Variants in IGFN1 observed in about 807,000 individuals in gnomAD.
The protein encoded by IGFN1 is immunoglobulin like and fibronectin type III domain containing 1, also known as immunoglobulin-like and fibronectin type III domain-containing protein 1.
IGFN1 carries 253 observed loss-of-function variants against 289.5 expected under a neutral mutation model. The observed-to-expected ratio is 0.87, with a 90% CI of 0.79 to 0.97. The LOEUF is 0.97. Ranked by LOEUF, IGFN1 falls within the 50% of genes least tolerant of loss-of-function variation. The probability of loss-of-function intolerance (pLI) is 0.00; values close to 1 mark genes in which losing one functional copy is unlikely to be tolerated. For synonymous variants in IGFN1, 1,706 were observed against 1,788.5 expected (o/e 0.95, Z 1.16); for missense variants, 4,470 against 4,686.1 (o/e 0.95, Z 1.35).
In IGFN1 at chr1:201,227,017, C is replaced by T. The variant is rs1558163908; in HGVS notation, c.10922C>T (p.Pro3641Leu). The T allele has an allele frequency of 6.2e-6, 10 of 1,613,402 alleles. No homozygotes were observed. The highest frequency in any genetic ancestry group is 7.6e-6 in the Non-Finnish European group (9 of 1,180,014). The part of the protein sequence containing the change: ...CCMSCAVQGS[P>L]RPHVTWFKND... The stretch of plus-strand genomic sequence containing the variant: ...ATGAGCTGTGCCGTGCAGGGCTCGC[C>T]CCGGCCCCACGTCACCTGGTTCAAG... The change falls in exon 23 of 24, where the codon CCC becomes CTC. Residue 3641 changes from proline to leucine, a missense_variant. This residue lies in a region of IGFN1 where 2,218 missense variants were observed against 2,114.1 expected (regional missense o/e 1.05). Transcript: ENST00000335211.
rs1185317638 is a variant in IGFN1, at chr1:201,213,180, C to T, written c.8287C>T (p.Gln2763Ter). ...RSGGTQDLSSQRGKGQRGGKR... is the reference protein window; with the variant it reads ...RSGGTQDLSS ...AGGAGGGACCCAGGACCTGAGCTCT[C>T]AGCGAGGCAAGGGACAGAGAGGAGG... is the stretch of plus-strand genomic sequence containing the variant. The change falls in exon 12 of 24, where the codon CAG (glutamine) becomes TAG (stop). Residue 2763 changes from glutamine (Q) to a stop codon, truncating the protein, a stop_gained. Transcript: ENST00000335211. LOFTEE classifies it high-confidence loss of function. 41 of 1,551,526 alleles carry T rather than the reference C, an allele frequency of 2.6e-5. No individual in the cohort carries two copies. The highest frequency in any genetic ancestry group is 3.6e-5 in the Non-Finnish European group (41 of 1,146,970).
intron 19 of IGFN1, 102 bp downstream of exon 19, chr1:201,221,848 C>G (rs1239460506): frequency 3.0e-6 from 3 of 1,010,162 alleles, no homozygotes; most frequent in Non-Finnish European, 4.3e-6. Flanking sequence ...GATCCCCACC[C>G]TCAGTTTCAG....
In IGFN1 at chr1:201,205,077, G is replaced by T. The variant is rs377463155; in HGVS notation, c.917-5G>T. 6.5e-7 allele frequency: 1 copy of T among 1,535,576 alleles called. No homozygotes were observed. Reference sequence around the variant, plus strand: ...CTGATATCCCCATTCCTATTTCCCCGGCAGCCATCCCCCCAAGAGTGGTGG... The same window carrying T: ...CTGATATCCCCATTCCTATTTCCCCTGCAGCCATCCCCCCAAGAGTGGTGG... On this transcript the variant is annotated splice_polypyrimidine_tract_variant and splice_region_variant and intron_variant, in intron 10 of 23. Coordinates refer to ENST00000335211, the MANE Select transcript of IGFN1 (RefSeq NM_001164586.2).
At position 201,217,455 on chromosome 1, in the gene IGFN1, T is replaced by C; in HGVS notation, c.9764T>C (p.Val3255Ala). The C allele has an allele frequency of 6.2e-7, 1 of 1,614,090 alleles. No individual in the cohort carries two copies. Among genetic ancestry groups the C allele is most frequent in the Non-Finnish European group, 8.5e-7 (1 of 1,179,966 alleles). ...NTWTAVNDQP[V>A]PERRWTVADV... is the part of the protein sequence containing the mutation. ...TGGACGGCAGTGAACGACCAGCCGG[T>C]GCCTGGTGAGCATTGTCCTGGCTTC... The change falls in exon 17 of 24, where the codon GTG becomes GCG. Residue 3255 changes from valine to alanine, a missense_variant. Transcript: ENST00000335211.
In IGFN1 at chr1:201,200,316, GAGA is replaced by G; in HGVS notation, c.542_544del (p.Lys181del). ...GATGACAGCAGACAGGAAGGACTAC[GAGA>G]AGATCTGCTTGAAGTATGGCATCGT... On this transcript the variant is annotated inframe_deletion, in exon 8 of 24. Transcript: ENST00000335211. 6.4e-7 allele frequency: 1 copy of G among 1,551,682 alleles called. No individual in the cohort carries two copies. Among genetic ancestry groups the G allele is most frequent in the Non-Finnish European group, 8.7e-7 (1 of 1,146,958 alleles).
In IGFN1 at chr1:201,207,710, A is replaced by G; in HGVS notation, c.2817A>G (p.Thr939=). The G allele has an allele frequency of 1.3e-6, 2 of 1,537,124 alleles. No homozygotes were observed. Among genetic ancestry groups the G allele is most frequent in the Non-Finnish European group, 1.7e-6 (2 of 1,146,872 alleles). The change falls in exon 12 of 24, where the codon ACA becomes ACG. Residue 939 remains threonine (T), a synonymous_variant. Transcript: ENST00000335211. ...GAGTAAAAGGACCCAGAGGTGAGAC[A>G]GGCTATAAGGATGGCTTGGAAGGTC... is the stretch of plus-strand genomic sequence containing the variant. The part of the protein sequence containing the change: ...SSRVKGPRGE[T]GYKDGLEGPG...
In IGFN1 at chr1:201,203,883, TCTC is replaced by T. The variant is rs1667274927; in HGVS notation, c.895_897del (p.Ser299del). The stretch of plus-strand genomic sequence containing the variant: ...GTCAAGGTGGAGGATGCTGTGGTCT[TCTC>T]CACAGAACTGGAGGCCAGTGGTGAG... On this transcript the variant is annotated inframe_deletion, in exon 10 of 24. Transcript: ENST00000335211. 1 of 1,551,450 alleles carries T rather than the reference TCTC, an allele frequency of 6.4e-7. No homozygotes were observed. Among genetic ancestry groups the T allele is most frequent in the Non-Finnish European group, 8.7e-7 (1 of 1,146,938 alleles).
At position 201,209,955 on chromosome 1, in the gene IGFN1, A is replaced by C; in HGVS notation, c.5062A>C (p.Ser1688Arg). The change falls in exon 12 of 24, where the codon AGT becomes CGT. Residue 1688 changes from serine (S) to arginine (R), a missense_variant. By Grantham distance (110) the Ser-to-Arg change is moderately radical. Coordinates refer to ENST00000335211, the MANE Select transcript of IGFN1 (RefSeq NM_001164586.2). ...GGCTCCTGAGGGAATAGGTTCAGGG[A>C]GTAAGGCAGGTTTTAGGGATGGTTT... ...LGAPEGIGSG[S>R]KAGFRDGLGS... is the part of the protein sequence containing the mutation. 2.0e-6 allele frequency: 3 copies of C among 1,488,540 alleles called. No homozygotes were observed. The highest frequency in any genetic ancestry group is 2.7e-6 in the Non-Finnish European group (3 of 1,110,864). The allele number at this position is 1,488,540 out of a possible 1,614,324, so 92.2% of individuals were successfully genotyped here.
intron 11 of IGFN1, 31 bp from the exon 12 acceptor site, chr1:201,206,052 G>T: frequency 7.0e-7 from 1 of 1,420,294 alleles, no homozygotes; most frequent in South Asian, 1.3e-5. Flanking sequence ...TGTGGGCACT[G>T]ACCTTCCATA....
chr1:201,227,891 A>G (rs1032760210), intron 23 of IGFN1, among the ~76,000 whole-genome samples: 3 of 152,228 alleles, frequency 2.0e-5, no homozygotes, highest in African/African-American at 7.2e-5. Flanking sequence ...ATGTCAAGAT[A>G]TGAACACTTA....
In IGFN1 at chr1:201,221,475, C is replaced by A; in HGVS notation, c.9930C>A (p.Val3310=). Residue 3310 remains valine, a synonymous_variant, in exon 19 of 24, where the codon GTC becomes GTA. Transcript: ENST00000335211. ...RPPGLVRNLQ[V]TDRSNTSITL... Reference sequence around the variant, plus strand: ...CTGGGCTGGTGAGGAATCTCCAAGTCACAGACAGATCGAACACCAGCATCA... The same window carrying A: ...CTGGGCTGGTGAGGAATCTCCAAGTAACAGACAGATCGAACACCAGCATCA... 2 of 1,609,418 alleles carry A rather than the reference C, an allele frequency of 1.2e-6. No homozygotes were observed. Among genetic ancestry groups the A allele is most frequent in the South Asian group, 1.1e-5 (1 of 89,878 alleles).
Position 201,215,469 on chromosome 1 carries a change from G to A in IGFN1, c.8996-70G>A, listed in dbSNP as rs527845646. On this transcript the variant is annotated intron_variant, in intron 14 of 23. Coordinates refer to ENST00000335211, the MANE Select transcript of IGFN1 (RefSeq NM_001164586.2). ...CTCTTCCCCCAAACTTCCTTCTCTGGGTCCTCCTTTCTATATTCCCCAGGT... is the reference window on the plus strand; with the variant it reads ...CTCTTCCCCCAAACTTCCTTCTCTGAGTCCTCCTTTCTATATTCCCCAGGT... The A allele has an allele frequency of 2.9e-5, 40 of 1,384,732 alleles. No homozygotes were observed. In the East Asian group the frequency reaches 4.9e-4, roughly 17 times the overall value. The allele number at this position is 1,384,732 out of a possible 1,614,324, so 85.8% of individuals were successfully genotyped here. A position where few individuals can be genotyped will look rare whatever the true frequency, so the allele number is the denominator to read the frequency against.
intron 9 of IGFN1, 80 bp from the exon 10 acceptor site, chr1:201,203,658 G>A: frequency 1.5e-6 from 2 of 1,373,118 alleles, no homozygotes; most frequent in Non-Finnish European, 9.9e-7. Context: ...GAAAACTGCT[G>A]GTTATAGCCA....
chr1:201,207,657 G>A lies in IGFN1; in HGVS notation c.2764G>A (p.Asp922Asn). ...TCCTGGGTCAATAGGGTCTGAACCA[G>A]ATTTCTGGAATGGGTCAGGGAGCTC... ...RGPGSIGSEP[D>N]FWNGSGSSRV... Residue 922 changes from aspartate (D) to asparagine (N), a missense_variant, in exon 12 of 24, where the codon GAT becomes AAT. Coordinates refer to ENST00000335211, the MANE Select transcript of IGFN1 (RefSeq NM_001164586.2). The A allele has an allele frequency of 6.5e-7, 1 of 1,537,140 alleles. No homozygotes were observed. Among genetic ancestry groups the A allele is most frequent in the Non-Finnish European group, 8.7e-7 (1 of 1,146,888 alleles).
At chr1:201,228,297 G>A in intron 23 of IGFN1, 89 bp from the exon 24 acceptor site, 1 of 1,296,544 alleles carries the variant, frequency 7.7e-7, no homozygotes, top group Non-Finnish European at 1.1e-6. Flanking sequence ...TGTAGTCTAA[G>A]CCCCATTCTG....
rs765288799 is a variant in IGFN1 at position 201,226,952 on chromosome 1, C to A, written c.10857C>A (p.Gly3619=). The A allele has an allele frequency of 3.7e-6, 6 of 1,612,356 alleles. No individual in the cohort carries two copies. The highest frequency in any genetic ancestry group is 4.2e-6 in the Non-Finnish European group (5 of 1,179,512). ...DLSQKPRFLV[G]LRSHLLPQGC... ...GCCAGAAGCCCCGGTTCCTGGTGGG[C>A]CTGCGGTCCCACCTGCTGCCCCAGG... Residue 3619 remains glycine, a synonymous_variant, in exon 23 of 24, where the codon GGC becomes GGA. Coordinates refer to ENST00000335211, the MANE Select transcript of IGFN1 (RefSeq NM_001164586.2).
Position 201,213,251 on chromosome 1 carries a change from T to C in IGFN1, c.8358T>C (p.Gly2786=), listed in dbSNP as rs907401099. 1.9e-5 allele frequency: 29 copies of C among 1,551,764 alleles called. No homozygotes were observed. Among genetic ancestry groups the C allele is most frequent in the Non-Finnish European group, 2.4e-5 (28 of 1,147,090 alleles). Reference sequence around the variant, plus strand: ...AGGGGTCCCTGGAGGCTGAGAATGGTGAGGTCCAGGGTCCTGGGGCCCTAA... The same window carrying C: ...AGGGGTCCCTGGAGGCTGAGAATGGCGAGGTCCAGGGTCCTGGGGCCCTAA... ...GEQGSLEAEN[G]EVQGPGALKE... The change falls in exon 12 of 24, where the codon GGT becomes GGC. Residue 2786 remains glycine (G), a synonymous_variant. Transcript: ENST00000335211.
At position 201,209,678 on chromosome 1, in the gene IGFN1, G is replaced by A. The variant is rs1221016968; in HGVS notation, c.4785G>A (p.Gly1595=). ...RDGLGGSGEM[G]SVNEAGYRKD... is the part of the protein sequence containing the mutation. ...GTTTAGGAGGTTCTGGAGAAATGGG[G>A]TCAGTGAATGAAGCAGGTTATAGGA... The change falls in exon 12 of 24, where the codon GGG becomes GGA. Residue 1595 remains glycine (G), a synonymous_variant. Coordinates refer to ENST00000335211, the MANE Select transcript of IGFN1 (RefSeq NM_001164586.2). 2.0e-6 allele frequency: 3 copies of A among 1,536,760 alleles called. No individual in the cohort carries two copies. The highest frequency in any genetic ancestry group is 2.4e-5 in the South Asian group (2 of 83,972).
chr1:201,191,698 G>T (rs892682109), intron 1 of IGFN1, among the ~76,000 whole-genome samples: 1 of 152,292 alleles, frequency 6.6e-6, no homozygotes, highest in East Asian at 1.9e-4. Context: ...CTCCAGAAGT[G>T]GATGCTTAAC....
Sources: allele counts gnomAD v4.1 joint callset (sites outside exome capture counted in the v4.1 genomes callset), GRCh38; gene constraint gnomAD v4.1.1; regional missense constraint gnomAD v4.1.1; transcripts MANE v1.5; gene names NCBI Gene and HGNC (gene_info 2026-07-23, HGNC 2026-07-21).